CNTNAP2: variants seen among roughly 807,000 people sequenced by gnomAD.
CNTNAP2 encodes the protein contactin-associated protein-like 2.
CNTNAP2 carries 98 observed loss-of-function variants against 155.2 expected under a neutral mutation model. That is an observed-to-expected ratio of 0.63 (90% CI 0.54 to 0.75). CNTNAP2 has a LOEUF of 0.75. Among genes scored for constraint, CNTNAP2 ranks in the 30% least tolerant of loss-of-function variants. CNTNAP2 has a pLI of 0.00. For missense variants in CNTNAP2, 1,727 were observed against 1,688.1 expected, an observed-to-expected ratio of 1.02 and a Z score of -0.40; for synonymous variants, 651 against 631.2, an observed-to-expected ratio of 1.03 and a Z score of -0.47.
chr7:148,329,712 C>T (rs1308036914), intron 21 of CNTNAP2, among the ~76,000 whole-genome samples: 1 of 152,212 alleles, frequency 6.6e-6, no homozygotes, highest in Non-Finnish European at 1.5e-5. Context: ...ACAGTCAGTG[C>T]TGGGATCATT....
chr7:147,426,182 C>CT (rs142234705), intron 10 of CNTNAP2, among the ~76,000 whole-genome samples: 2,120 of 144,538 alleles, frequency 0.015, 41 homozygotes, highest in African/African-American at 0.049. Flanking sequence ...GCCAAATGTG[C>CT]TTTTTTATTT....
intron 1 of CNTNAP2, among the ~76,000 whole-genome samples, chr7:146,611,371 G>A (rs1192127580): frequency 1.3e-5 from 2 of 152,114 alleles, no homozygotes; most frequent in African/African-American, 2.4e-5. Context: ...GATTATAGGC[G>A]CGAGCCACCG....
chr7:146,186,422 C>T (rs1798624774), intron 1 of CNTNAP2, among the ~76,000 whole-genome samples: 1 of 152,104 alleles, frequency 6.6e-6, no homozygotes. Context: ...TTGATATATG[C>T]TTATTCAATT....
chr7:147,253,115 C>A (rs903015770), intron 8 of CNTNAP2, among the ~76,000 whole-genome samples: 2 of 152,158 alleles, frequency 1.3e-5, no homozygotes, highest in Non-Finnish European at 2.9e-5. Flanking sequence ...TAGTCCAGGT[C>A]GTTAAAACTT....
chr7:147,747,752 A>C (rs1041240926), intron 13 of CNTNAP2, among the ~76,000 whole-genome samples: 1 of 152,210 alleles, frequency 6.6e-6, no homozygotes, highest in African/African-American at 2.4e-5. Flanking sequence ...TATCCCCATC[A>C]GTATTTGTCC....
At chr7:146,258,261 T>C (rs1012040839) in intron 1 of CNTNAP2, among the ~76,000 whole-genome samples, 2 of 152,172 alleles carry the variant, frequency 1.3e-5, no homozygotes, top group Admixed American at 6.5e-5. Flanking sequence ...AAAATAGACA[T>C]TTATATTCCT....
chr7:148,400,124 T>C (rs527807268), intron 22 of CNTNAP2, among the ~76,000 whole-genome samples: 5 of 152,166 alleles, frequency 3.3e-5, no homozygotes, highest in South Asian at 4.1e-4. Flanking sequence ...CAGACTGAGA[T>C]AGAAATTGAA....
intron 2 of CNTNAP2, among the ~76,000 whole-genome samples, chr7:146,825,900 T>C (rs1803391208): frequency 6.6e-6 from 1 of 152,222 alleles, no homozygotes; most frequent in Non-Finnish European, 1.5e-5. Context: ...ATTATATCAC[T>C]GCACACAGGG....
rs371863847 is a variant in CNTNAP2, at chr7:148,402,258, G to C, written c.3716-7133G>C. ...ATGTAAAGCTTGTTTAACTTTTCAA[G>C]TCAGGAGCCAAAAAGTCACAATCAC... On this transcript the variant is annotated intron_variant, in intron 22 of 23. Transcript: ENST00000361727. Among the ~76,000 whole-genome samples the C allele has an allele frequency of 3.3e-5, 5 of 152,284 alleles. No homozygotes were observed. The East Asian group carries it at 9.6e-4, about 29-fold the overall frequency.
In CNTNAP2 at chr7:146,760,409, C is replaced by CTTTTTTTTTTTTTTTTTTTTTTTTTT. The variant is rs532820418; in HGVS notation, c.98-13854_98-13829dup. ...CACCTCTGTATCATCTCCAATTTAC[C>CTTTTTTTTTTTTTTTTTTTTTTTTTT]TTTTTTTTTTTTTTTTTTTTTTTTT... On this transcript the variant is annotated intron_variant, in intron 1 of 23. Coordinates refer to ENST00000361727, the MANE Select transcript of CNTNAP2 (RefSeq NM_014141.6). Among the ~76,000 whole-genome samples the CTTTTTTTTTTTTTTTTTTTTTTTTTT allele has an allele frequency of 1.2e-4, 7 of 56,298 alleles. 1 individual carries two copies. Among genetic ancestry groups the CTTTTTTTTTTTTTTTTTTTTTTTTTT allele is most frequent in the South Asian group, 8.7e-4 (1 of 1,144 alleles). The allele number at this position is 56,298 out of a possible 152,430, so 36.9% of individuals were successfully genotyped here. A position where few individuals can be genotyped will look rare whatever the true frequency, so the allele number is the denominator to read the frequency against.
At chr7:147,681,372 T>A (rs1279591977) in intron 13 of CNTNAP2, among the ~76,000 whole-genome samples, 1 of 151,994 alleles carries the variant, frequency 6.6e-6, no homozygotes, top group African/African-American at 2.4e-5. Flanking sequence ...GGGTCACTTT[T>A]GTGCTTTGGG....
chr7:148,131,611 A>G (rs1194891006), intron 16 of CNTNAP2, among the ~76,000 whole-genome samples: 1 of 152,246 alleles, frequency 6.6e-6, no homozygotes, highest in African/African-American at 2.4e-5. Context: ...TTGCTGGATA[A>G]TGAACACATG....
intron 9 of CNTNAP2, among the ~76,000 whole-genome samples, chr7:147,328,941 A>T (rs752359064): frequency 1.3e-5 from 2 of 152,156 alleles, no homozygotes; most frequent in African/African-American, 2.4e-5. Flanking sequence ...CTTTTCCTTC[A>T]GTATGCATTT....
At chr7:148,076,300 G>A (rs1196420781) in intron 15 of CNTNAP2, among the ~76,000 whole-genome samples, 3 of 151,928 alleles carry the variant, frequency 2.0e-5, no homozygotes, top group African/African-American at 4.8e-5. Context: ...TAGAGGCCAC[G>A]GATGCTGCTG....
intron 12 of CNTNAP2, among the ~76,000 whole-genome samples, chr7:147,615,113 A>G (rs1283332928): frequency 6.7e-6 from 1 of 149,686 alleles, no homozygotes; most frequent in Non-Finnish European, 1.5e-5. Context: ...AAAGAAAAGA[A>G]AAAAGCCTGA....
In CNTNAP2 at chr7:146,282,980, T is replaced by C. The variant is rs1800272900; in HGVS notation, c.97+166007T>C. 2.6e-5 allele frequency among the ~76,000 whole-genome samples: 4 copies of C among 152,190 alleles called. No individual in the cohort carries two copies. The South Asian group carries it at 8.3e-4, about 31-fold the overall frequency. ...GATCCTGAAACTAGAATATCACATC[T>C]TCAAATATTTATAAAACGCTGTGTC... On this transcript the variant is annotated intron_variant, in intron 1 of 23. Transcript: ENST00000361727.
intron 12 of CNTNAP2, among the ~76,000 whole-genome samples, chr7:147,577,083 T>G (rs1269895223): frequency 6.6e-6 from 1 of 152,128 alleles, no homozygotes; most frequent in Non-Finnish European, 1.5e-5. Flanking sequence ...GCAGTCAGTT[T>G]GGAAAACACG....
intron 15 of CNTNAP2, among the ~76,000 whole-genome samples, chr7:148,046,566 GC>G (rs1335857239): frequency 6.6e-6 from 1 of 151,856 alleles, no homozygotes; most frequent in Non-Finnish European, 1.5e-5. Flanking sequence ...TTCCTCTCTG[GC>G]TACCTGACAC....
rs145024295 is a variant in CNTNAP2, at chr7:147,586,292, A to G, written c.1897+24035A>G. ...ACAGGCTTAAAGAATCCATTCTATCAGTCTTAAGGTCTGTGTTGATGTTAA... is the reference window on the plus strand; with the variant it reads ...ACAGGCTTAAAGAATCCATTCTATCGGTCTTAAGGTCTGTGTTGATGTTAA... On this transcript the variant is annotated intron_variant, in intron 12 of 23. Coordinates refer to ENST00000361727, the MANE Select transcript of CNTNAP2 (RefSeq NM_014141.6). Among the ~76,000 whole-genome samples the G allele has an allele frequency of 5.9e-3, 900 of 151,938 alleles. 9 individuals carry two copies. Among genetic ancestry groups the G allele is most frequent in the African/African-American group, 0.02 (847 of 41,436 alleles).
Sources: allele counts gnomAD v4.1 joint callset (sites outside exome capture counted in the v4.1 genomes callset), GRCh38; gene constraint gnomAD v4.1.1; transcripts MANE v1.5; gene names NCBI Gene and HGNC (gene_info 2026-07-23, HGNC 2026-07-21).